CLIC4: variants seen among roughly 807,000 people sequenced by gnomAD.
CLIC4 encodes CLIC family member 4, also known as chloride intracellular channel protein 4.
In CLIC4, 13 loss-of-function variants were observed where a neutral mutation model predicts 24.6. The observed-to-expected ratio is 0.53, with a 90% CI of 0.34 to 0.84. The LOEUF (loss-of-function observed/expected upper bound fraction) is 0.84. Among genes scored for constraint, CLIC4 ranks in the 40% least tolerant of loss-of-function variants. CLIC4 has a pLI of 0.01. For missense variants in CLIC4, 227 were observed against 301.7 expected (o/e 0.75, Z 1.83); for synonymous variants, 104 against 111.3 (o/e 0.93, Z 0.41).
At position 24,840,907 on chromosome 1, in the gene CLIC4, T is replaced by C. The variant is rs757094012; in HGVS notation, c.732T>C (p.Tyr244=). ...GTGATAAGGAGGTTGAAATAGCATA[T>C]AGTGATGTAGCCAAAAGACTCACCA... is the stretch of plus-strand genomic sequence containing the variant. ...CPSDKEVEIA[Y]SDVAKRLTK The change falls in exon 6 of 6, where the codon TAT becomes TAC. Residue 244 remains tyrosine (Y), a synonymous_variant. Coordinates refer to ENST00000374379, the MANE Select transcript of CLIC4 (RefSeq NM_013943.3). 1 of 1,603,896 alleles carries C rather than the reference T, an allele frequency of 6.2e-7. No individual in the cohort carries two copies. The highest frequency in any genetic ancestry group is 1.3e-5 in the African/African-American group (1 of 74,504).
intron 3 of CLIC4, among the ~76,000 whole-genome samples, chr1:24,825,585 C>CT (rs1390577327): frequency 6.6e-6 from 1 of 152,104 alleles, no homozygotes; most frequent in Non-Finnish European, 1.5e-5. Context: ...TAAGATAAAT[C>CT]TTTAAGCTTA....
chr1:24,820,203 GC>G (rs1224681623), intron 3 of CLIC4, among the ~76,000 whole-genome samples: 1 of 138,280 alleles, frequency 7.2e-6, no homozygotes, highest in Admixed American at 7.4e-5. Context: ...TCCTGCCTCA[GC>G]CTTCCAAATA....
chr1:24,791,184 T>C (rs1388349870), intron 1 of CLIC4, among the ~76,000 whole-genome samples: 1 of 152,212 alleles, frequency 6.6e-6, no homozygotes, highest in Non-Finnish European at 1.5e-5. Flanking sequence ...AGGCATACTT[T>C]TCTCAGATGC....
chr1:24,780,173 A>G (rs139878345), intron 1 of CLIC4, among the ~76,000 whole-genome samples: 61 of 152,354 alleles, frequency 4.0e-4, no homozygotes, highest in Middle Eastern at 6.8e-3. Flanking sequence ...TATTCATGAT[A>G]ACCCTGTGAA....
intron 1 of CLIC4, among the ~76,000 whole-genome samples, chr1:24,791,477 C>T (rs541779095): frequency 1.4e-4 from 22 of 152,306 alleles, no homozygotes; most frequent in South Asian, 2.1e-4. Context: ...CAGTGGCTCA[C>T]ACCTGTAATG....
chr1:24,798,537 T>G (rs1369387901), intron 2 of CLIC4, among the ~76,000 whole-genome samples: 1 of 152,168 alleles, frequency 6.6e-6, no homozygotes, highest in Non-Finnish European at 1.5e-5. Context: ...GAATGTCTAT[T>G]CACCTTTAGC....
intron 2 of CLIC4, among the ~76,000 whole-genome samples, chr1:24,804,467 G>T: frequency 9.1e-6 from 1 of 110,018 alleles, no homozygotes; most frequent in Non-Finnish European, 1.9e-5. Context: ...TGGGTGGTGG[G>T]GTGTGTGTAG....
chr1:24,805,486 T>C (rs772836538), intron 2 of CLIC4, among the ~76,000 whole-genome samples: 16 of 152,222 alleles, frequency 1.1e-4, no homozygotes, highest in Non-Finnish European at 1.6e-4. Flanking sequence ...TGTTGTTATA[T>C]GTTTATATAG....
chr1:24,819,575 T>A (rs1340336157), intron 3 of CLIC4, among the ~76,000 whole-genome samples: 1 of 151,500 alleles, frequency 6.6e-6, no homozygotes, highest in Non-Finnish European at 1.5e-5. Context: ...GTAGCTAGAA[T>A]TACAGGCGTC....
rs1487059513 is a variant in CLIC4, at chr1:24,842,546, A to G, written c.*1609A>G. 6.6e-6 allele frequency: 1 copy of G among 152,130 alleles called. No homozygotes were observed. Among genetic ancestry groups the G allele is most frequent in the Non-Finnish European group, 1.5e-5 (1 of 68,016 alleles). 9.4% of individuals were successfully genotyped at this position (152,130 alleles called of 1,614,324 possible). A position where few individuals can be genotyped will look rare whatever the true frequency, so the allele number is the denominator to read the frequency against. On this transcript the variant is annotated 3_prime_UTR_variant, in exon 6 of 6. Coordinates refer to ENST00000374379, the MANE Select transcript of CLIC4 (RefSeq NM_013943.3). ...ACTGGCTTTATGAAAGCGGCTTTTTATAAGTATACTGCATTTTTTGAGCCT... is the reference window on the plus strand; with the variant it reads ...ACTGGCTTTATGAAAGCGGCTTTTTGTAAGTATACTGCATTTTTTGAGCCT...
intron 1 of CLIC4, among the ~76,000 whole-genome samples, chr1:24,754,249 A>G (rs999975661): frequency 2.6e-5 from 4 of 152,218 alleles, no homozygotes; most frequent in Non-Finnish European, 4.4e-5. Flanking sequence ...TGAGCACACG[A>G]AAAGCTTAAC....
intron 1 of CLIC4, among the ~76,000 whole-genome samples, chr1:24,770,837 T>G (rs1276945669): frequency 6.6e-6 from 1 of 152,198 alleles, no homozygotes; most frequent in Non-Finnish European, 1.5e-5. Context: ...GTGTTTTACT[T>G]AGTATTTTCT....
At chr1:24,800,382 G>C (rs566019748) in intron 2 of CLIC4, among the ~76,000 whole-genome samples, 35 of 146,488 alleles carry the variant, frequency 2.4e-4, no homozygotes, top group African/African-American at 8.1e-4. Context: ...CGCCCCGTCC[G>C]GGAGGGAGGT....
intron 2 of CLIC4, among the ~76,000 whole-genome samples, chr1:24,802,627 C>G (rs985417906): frequency 6.6e-6 from 1 of 151,968 alleles, no homozygotes; most frequent in Non-Finnish European, 1.5e-5. Flanking sequence ...ATCCCTACCC[C>G]CTAGTCATCA....
intron 1 of CLIC4, among the ~76,000 whole-genome samples, chr1:24,772,674 C>CG (rs1249739010): frequency 6.6e-6 from 1 of 152,100 alleles, no homozygotes; most frequent in Non-Finnish European, 1.5e-5. Context: ...TTAGTAGAGA[C>CG]GGGGTTTCAC....
chr1:24,746,533 G>T (rs1332295867), intron 1 of CLIC4, among the ~76,000 whole-genome samples: 1 of 151,902 alleles, frequency 6.6e-6, no homozygotes, highest in Non-Finnish European at 1.5e-5. Flanking sequence ...TAAACATCTG[G>T]ATCCAGCTCC....
At chr1:24,807,779 G>A (rs986980438) in intron 2 of CLIC4, among the ~76,000 whole-genome samples, 5 of 151,884 alleles carry the variant, frequency 3.3e-5, no homozygotes, top group South Asian at 4.2e-4. Flanking sequence ...CTAATCTACC[G>A]TGTTCTTAAA....
chr1:24,780,807 GCTGGGC>G (rs1316577344), intron 1 of CLIC4, among the ~76,000 whole-genome samples: 1 of 152,180 alleles, frequency 6.6e-6, no homozygotes, highest in Admixed American at 6.5e-5. Context: ...TGAAAGGACA[GCTGGGC>G]ACGGTGTCTC....
chr1:24,822,103 A>T (rs988097802), intron 3 of CLIC4, among the ~76,000 whole-genome samples: 2 of 152,214 alleles, frequency 1.3e-5, no homozygotes, highest in African/African-American at 4.8e-5. Context: ...AGCCACATCA[A>T]TATGACTTCA....
Sources: allele counts gnomAD v4.1 joint callset (sites outside exome capture counted in the v4.1 genomes callset), GRCh38; gene constraint gnomAD v4.1.1; transcripts MANE v1.5; gene names NCBI Gene and HGNC (gene_info 2026-07-23, HGNC 2026-07-21).